AFTPH: variants seen among roughly 807,000 people sequenced by gnomAD.
The protein encoded by AFTPH is aftiphilin protein.
In AFTPH, 7 loss-of-function variants were observed where a neutral mutation model predicts 72.5. The ratio of observed to expected loss-of-function variants is 0.10; its 90% CI spans 0.05 to 0.18. The LOEUF is 0.18. Among genes scored for constraint, AFTPH ranks in the 10% least tolerant of loss-of-function variants. The pLI is 1.00. For missense variants in AFTPH, 979 were observed against 1,060.5 expected (o/e 0.92, Z 1.07); for synonymous variants, 337 against 370.1 (o/e 0.91, Z 1.03).
At chr2:64,548,115 C>T (rs898169620) in intron 1 of AFTPH, among the ~76,000 whole-genome samples, 7 of 136,720 alleles carry the variant, frequency 5.1e-5, no homozygotes, top group East Asian at 2.7e-4. Flanking sequence ...GAAAAAGGGC[C>T]GGGCGCGGTG....
chr2:64,557,780 A>G (rs1671471396), intron 2 of AFTPH, among the ~76,000 whole-genome samples: 1 of 152,258 alleles, frequency 6.6e-6, no homozygotes, highest in Non-Finnish European at 1.5e-5. Flanking sequence ...AAGAGAATTA[A>G]GATGTAAGAC....
At chr2:64,584,657 C>T (rs915834445) in intron 7 of AFTPH, among the ~76,000 whole-genome samples, 21 of 134,702 alleles carry the variant, frequency 1.6e-4, no homozygotes, top group African/African-American at 4.7e-4. Flanking sequence ...AGTGCAGTGG[C>T]GTGATCTCGG....
At chr2:64,549,019 A>G (rs774433316) in intron 1 of AFTPH, among the ~76,000 whole-genome samples, 2 of 152,206 alleles carry the variant, frequency 1.3e-5, no homozygotes, top group Non-Finnish European at 2.9e-5. Context: ...TTCTGAAGCC[A>G]TTCTCCACTA....
chr2:64,561,803 T>A (rs1172069462), intron 2 of AFTPH, among the ~76,000 whole-genome samples: 1 of 152,254 alleles, frequency 6.6e-6, no homozygotes, highest in Non-Finnish European at 1.5e-5. Context: ...ATATTCAGAA[T>A]GCAGCACTGA....
At chr2:64,556,249 A>G (rs1344818002) in intron 2 of AFTPH, among the ~76,000 whole-genome samples, 2 of 152,144 alleles carry the variant, frequency 1.3e-5, no homozygotes, top group Non-Finnish European at 2.9e-5. Context: ...CGGCCTCCCA[A>G]AGTGCTGGGA....
At chr2:64,544,674 T>C (rs980631101) in intron 1 of AFTPH, among the ~76,000 whole-genome samples, 36 of 140,720 alleles carry the variant, frequency 2.6e-4, no homozygotes, top group African/African-American at 1.1e-3. Flanking sequence ...TATTTGTAAA[T>C]TCATTATACA....
chr2:64,539,793 G>A (rs1233658387), intron 1 of AFTPH, among the ~76,000 whole-genome samples: 1 of 152,150 alleles, frequency 6.6e-6, no homozygotes, highest in Non-Finnish European at 1.5e-5. Flanking sequence ...TCGGTAGAGC[G>A]GTAGCATGGA....
At chr2:64,578,046 C>T (rs1383330157) in intron 6 of AFTPH, among the ~76,000 whole-genome samples, 1 of 152,126 alleles carries the variant, frequency 6.6e-6, no homozygotes, top group African/African-American at 2.4e-5. Flanking sequence ...ATCCCTTACA[C>T]CCACTAACTA....
rs566383581 is a variant in AFTPH at position 64,587,192 on chromosome 2, T to C, written c.2579+1647T>C. On this transcript the variant is annotated intron_variant, in intron 8 of 8. Coordinates refer to ENST00000238856, the Ensembl canonical transcript of AFTPH. Reference sequence around the variant, plus strand: ...TAAGAAGCTATTTTCATTTTTTCTCTTGTTCTATACTAATAGGGAATGAAC... The same window carrying C: ...TAAGAAGCTATTTTCATTTTTTCTCCTGTTCTATACTAATAGGGAATGAAC... Among the ~76,000 whole-genome samples the C allele has an allele frequency of 3.3e-5, 5 of 152,250 alleles. 1 individual carries two copies. The South Asian group carries it at 1.0e-3, about 31-fold the overall frequency.
intron 1 of AFTPH, among the ~76,000 whole-genome samples, chr2:64,539,389 T>G (rs977283378): frequency 1.3e-5 from 2 of 152,212 alleles, no homozygotes; most frequent in African/African-American, 4.8e-5. Context: ...TTTTGCAGCT[T>G]GCATATAATG....
At chr2:64,544,447 A>G (rs1381576309) in intron 1 of AFTPH, among the ~76,000 whole-genome samples, 2 of 152,226 alleles carry the variant, frequency 1.3e-5, no homozygotes, top group South Asian at 2.1e-4. Flanking sequence ...GCTTGTTTGT[A>G]CAGGTTATAA....
chr2:64,558,384 A>G (rs1237672894), intron 2 of AFTPH, among the ~76,000 whole-genome samples: 2 of 152,218 alleles, frequency 1.3e-5, no homozygotes, highest in African/African-American at 4.8e-5. Flanking sequence ...TTAAGTTTCT[A>G]TGGCATCTTT....
At chr2:64,581,144 T>C (rs1254434272) in intron 7 of AFTPH, 46 bp from the exon 8 acceptor site, 9 of 1,476,514 alleles carry the variant, frequency 6.1e-6, no homozygotes, top group Non-Finnish European at 8.3e-6. Flanking sequence ...CTCCCTTGGC[T>C]TACCTTCTGT....
chr2:64,532,991 C>T (rs1035976164), intron 1 of AFTPH, among the ~76,000 whole-genome samples: 1 of 152,146 alleles, frequency 6.6e-6, no homozygotes, highest in Non-Finnish European at 1.5e-5. Context: ...TTACGTAATG[C>T]TTATTTGATT....
Position 64,539,846 on chromosome 2 carries a change from A to G in AFTPH, c.-32-11597A>G, listed in dbSNP as rs1005703614. ...TTGAGGAGTGAGTGGGAAGTTAGGA[A>G]GTCGAGAGAGTGAATAGGCACATCT... On this transcript the variant is annotated intron_variant, in intron 1 of 8. Coordinates refer to ENST00000238856, the Ensembl canonical transcript of AFTPH. 2.6e-5 allele frequency among the ~76,000 whole-genome samples: 4 copies of G among 152,280 alleles called. No homozygotes were observed. The South Asian group carries it at 8.3e-4, about 32-fold the overall frequency.
chr2:64,551,352 G>C, intron 1 of AFTPH, 91 bp from the exon 2 acceptor site: 3 of 972,564 alleles, frequency 3.1e-6, no homozygotes, highest in Non-Finnish European at 3.0e-6. Flanking sequence ...TTGTAAATTT[G>C]CATTGTTTTA....
At chr2:64,560,266 T>G (rs1047828197) in intron 2 of AFTPH, among the ~76,000 whole-genome samples, 1 of 152,060 alleles carries the variant, frequency 6.6e-6, no homozygotes, top group Non-Finnish European at 1.5e-5. Flanking sequence ...CATAAAGACA[T>G]GACAGAACTA....
intron 7 of AFTPH, among the ~76,000 whole-genome samples, chr2:64,583,758 C>G (rs1313058218): frequency 1.3e-5 from 2 of 152,074 alleles, no homozygotes; most frequent in Admixed American, 1.3e-4. Flanking sequence ...TGAAACCGTA[C>G]CTTAATGAAA....
At chr2:64,535,787 G>A (rs1168598381) in intron 1 of AFTPH, among the ~76,000 whole-genome samples, 1 of 152,202 alleles carries the variant, frequency 6.6e-6, no homozygotes, top group Non-Finnish European at 1.5e-5. Flanking sequence ...ACAACTTAGA[G>A]GTAACCATGC....
Sources: allele counts gnomAD v4.1 joint callset (sites outside exome capture counted in the v4.1 genomes callset), GRCh38; gene constraint gnomAD v4.1.1; transcripts MANE v1.5; gene names NCBI Gene and HGNC (gene_info 2026-07-23, HGNC 2026-07-21).